BPNT1: variants seen among roughly 807,000 people sequenced by gnomAD.
BPNT1 encodes the protein 3'(2'), 5'-bisphosphate nucleotidase 1.
BPNT1 carries 28 observed loss-of-function variants against 36.9 expected under a neutral mutation model. That is an observed-to-expected ratio of 0.76 (90% CI 0.56 to 1.04). The LOEUF (loss-of-function observed/expected upper bound fraction) is 1.04. Among genes scored for constraint, BPNT1 ranks in the 50% least tolerant of loss-of-function variants. The pLI, the probability that BPNT1 is intolerant of heterozygous loss-of-function variation, is 0.00. For missense variants in BPNT1, 313 were observed against 372.9 expected, an observed-to-expected ratio of 0.84 and a Z score of 1.32; for synonymous variants, 119 against 130.9, an observed-to-expected ratio of 0.91 and a Z score of 0.62.
intron 1 of BPNT1, among the ~76,000 whole-genome samples, chr1:220,081,934 T>C (rs920231820): frequency 1.3e-5 from 2 of 151,732 alleles, no homozygotes; most frequent in Non-Finnish European, 2.9e-5. Context: ...CACTCCCTAA[T>C]AAACCTCTTC....
In BPNT1 at chr1:220,073,618, AGT is replaced by A. The variant is rs1664278947; in HGVS notation, c.225+347_225+348del. Among the ~76,000 whole-genome samples, 3 of 152,240 alleles carry A rather than the reference AGT, an allele frequency of 2.0e-5. 1 individual carries two copies. The South Asian group carries it at 6.2e-4, about 32-fold the overall frequency. The stretch of plus-strand genomic sequence containing the variant: ...AATTCCCTCATTTTCAAAGTGTTAT[AGT>A]CTTTGGATAAGTATGCAAATAAGCC... On this transcript the variant is annotated intron_variant, in intron 3 of 8. Coordinates refer to ENST00000322067, the MANE Select transcript of BPNT1 (RefSeq NM_006085.6).
At chr1:220,060,676 T>A (rs77794229) in intron 7 of BPNT1, among the ~76,000 whole-genome samples, 6,244 of 152,100 alleles carry the variant, frequency 0.041, 152 homozygotes, top group South Asian at 0.078. Context: ...CTTTTTTTTT[T>A]AAAAATATTT....
intron 1 of BPNT1, among the ~76,000 whole-genome samples, chr1:220,082,329 T>C (rs1655256281): frequency 6.6e-6 from 1 of 151,374 alleles, no homozygotes; most frequent in Admixed American, 6.6e-5. Context: ...TATAGGTGCC[T>C]GCTACCACAC....
chr1:220,079,182 T>C (rs1039662639), intron 2 of BPNT1, among the ~76,000 whole-genome samples: 4 of 152,102 alleles, frequency 2.6e-5, no homozygotes, highest in African/African-American at 9.7e-5. Context: ...TACAATGCCT[T>C]GGGGATAGAT....
chr1:220,082,085 T>TAGAGAGAGAGAGAG (rs3055555), intron 1 of BPNT1, among the ~76,000 whole-genome samples: 1 of 103,294 alleles, frequency 9.7e-6, no homozygotes, highest in African/African-American at 3.8e-5. Flanking sequence ...TATATATATA[T>TAGAGAGAGAGAGAG]AGAGAGAGAG....
Position 220,067,356 on chromosome 1 carries a change from A to G in BPNT1, c.420T>C (p.Ala140=). The change falls in exon 6 of 9, where the codon GCT becomes GCC. Residue 140 remains alanine (A), a synonymous_variant. Transcript: ENST00000322067. Reference sequence around the variant, plus strand: ...CTCCTGCTATGGCTTTTCCTTCATAAGCAATTCCAATAAGAACTGTTACAT... The same window carrying G: ...CTCCTGCTATGGCTTTTCCTTCATAGGCAATTCCAATAAGAACTGTTACAT... The part of the protein sequence containing the change: ...LDNVTVLIGI[A]YEGKAIAGVI... The G allele has an allele frequency of 6.2e-7, 1 of 1,610,490 alleles. No individual in the cohort carries two copies. Among genetic ancestry groups the G allele is most frequent in the Non-Finnish European group, 8.5e-7 (1 of 1,177,998 alleles).
chr1:220,078,999 T>C (rs983863929), intron 2 of BPNT1, among the ~76,000 whole-genome samples: 1 of 152,170 alleles, frequency 6.6e-6, no homozygotes, highest in African/African-American at 2.4e-5. Context: ...GTAATTACTA[T>C]ACTGGGAAAA....
At chr1:220,069,175 T>TG (rs906194094) in intron 5 of BPNT1, among the ~76,000 whole-genome samples, 7 of 152,124 alleles carry the variant, frequency 4.6e-5, no homozygotes, top group Non-Finnish European at 7.4e-5. Context: ...GTGGAGTATG[T>TG]GGGGGGTGGT....
chr1:220,075,194 C>T (rs1007195327), intron 2 of BPNT1, among the ~76,000 whole-genome samples: 9 of 152,112 alleles, frequency 5.9e-5, no homozygotes, highest in African/African-American at 2.2e-4. Context: ...CAGGTGTCCC[C>T]CACCATGCCT....
At chr1:220,075,067 G>A (rs768928200) in intron 2 of BPNT1, among the ~76,000 whole-genome samples, 1 of 152,028 alleles carries the variant, frequency 6.6e-6, no homozygotes, top group Non-Finnish European at 1.5e-5. Context: ...GTTTTGAGAC[G>A]GAGTCTCACT....
At chr1:220,073,679 T>C (rs1435103248) in intron 3 of BPNT1, among the ~76,000 whole-genome samples, 1 of 152,200 alleles carries the variant, frequency 6.6e-6, no homozygotes, top group Admixed American at 6.5e-5. Context: ...GAAACCCATT[T>C]TATTCCAAAG....
At chr1:220,079,922 C>T in intron 1 of BPNT1, 68 bp from the exon 2 acceptor site, 3 of 1,489,524 alleles carry the variant, frequency 2.0e-6, no homozygotes, top group African/African-American at 2.8e-5. Context: ...TTATTTAAAT[C>T]CAACTCAACA....
intron 1 of BPNT1, among the ~76,000 whole-genome samples, chr1:220,086,137 A>G (rs532256731): frequency 4.6e-5 from 7 of 152,360 alleles, no homozygotes; most frequent in Middle Eastern, 3.4e-3. Flanking sequence ...AACATATGAT[A>G]TAAAAGTTTG....
At chr1:220,078,129 A>C (rs1664722471) in intron 2 of BPNT1, among the ~76,000 whole-genome samples, 1 of 150,348 alleles carries the variant, frequency 6.7e-6, no homozygotes, top group South Asian at 2.1e-4. Context: ...AGCTATCAGT[A>C]GGACTGTGCC....
At chr1:220,085,063 G>T in intron 1 of BPNT1, among the ~76,000 whole-genome samples, 1 of 149,512 alleles carries the variant, frequency 6.7e-6, no homozygotes. Context: ...ATACAATGTT[G>T]GTTCTTGGTT....
intron 6 of BPNT1, among the ~76,000 whole-genome samples, 159 bp from the exon 7 acceptor site, chr1:220,063,113 C>T (rs1357507027): frequency 1.3e-5 from 2 of 152,196 alleles, no homozygotes; most frequent in African/African-American, 4.8e-5. Flanking sequence ...CTTTGGGAGG[C>T]CGAGGCGGGC....
intron 4 of BPNT1, 94 bp from the exon 5 acceptor site, chr1:220,069,526 G>T: frequency 1.1e-6 from 1 of 909,344 alleles, no homozygotes; most frequent in Non-Finnish European, 1.7e-6. Context: ...TTTTTTTCCT[G>T]TTTGAAATTG....
intron 1 of BPNT1, among the ~76,000 whole-genome samples, chr1:220,087,988 C>G (rs1378296502): frequency 6.6e-6 from 1 of 152,024 alleles, no homozygotes; most frequent in Non-Finnish European, 1.5e-5. Context: ...AGCGATTCTC[C>G]TGCCTCAGCC....
rs533526493 is a variant in BPNT1 at position 220,069,489 on chromosome 1, A to G, written c.334-57T>C. The G allele has an allele frequency of 2.6e-5, 32 of 1,248,942 alleles. No homozygotes were observed. In the African/African-American group the frequency reaches 4.0e-4, roughly 15 times the overall value. 77.4% of individuals were successfully genotyped at this position (1,248,942 alleles called of 1,614,324 possible). A position where few individuals can be genotyped will look rare whatever the true frequency, so the allele number is the denominator to read the frequency against. On this transcript the variant is annotated intron_variant, in intron 4 of 8. Coordinates refer to ENST00000322067, the MANE Select transcript of BPNT1 (RefSeq NM_006085.6). ...AAATCAAGCACACAAAATTCTAAAA[A>G]TAGATTTAAATAGATTAAAATTACT...
Sources: allele counts gnomAD v4.1 joint callset (sites outside exome capture counted in the v4.1 genomes callset), GRCh38; gene constraint gnomAD v4.1.1; transcripts MANE v1.5; gene names NCBI Gene and HGNC (gene_info 2026-07-23, HGNC 2026-07-21).